ADAM12: variants seen among roughly 807,000 people sequenced by gnomAD.
ADAM12 encodes ADAM metallopeptidase domain 12.
In ADAM12, 70 loss-of-function variants were observed where a neutral mutation model predicts 106.4. The ratio of observed to expected loss-of-function variants is 0.66; its 90% confidence interval spans 0.54 to 0.80. The LOEUF is 0.80. ADAM12 is among the 30% of genes least tolerant of loss of function. ADAM12 has a pLI of 0.00. For missense variants in ADAM12, 1,010 were observed against 1,171.9 expected, an observed-to-expected ratio of 0.86 and a Z score of 2.02; for synonymous variants, 420 against 433.5, an observed-to-expected ratio of 0.97 and a Z score of 0.39.
At chr10:126,233,186 A>G (rs2133628824) in intron 3 of ADAM12, among the ~76,000 whole-genome samples, 1 of 152,262 alleles carries the variant, frequency 6.6e-6, no homozygotes, top group Admixed American at 6.5e-5. Context: ...GGAGAAGAAC[A>G]GCCAAGGGCA....
intron 21 of ADAM12, 25 bp downstream of exon 21, chr10:126,036,121 T>TATCA (rs751421187): frequency 1.5e-5 from 20 of 1,375,100 alleles, no homozygotes; most frequent in South Asian, 8.3e-5. Context: ...AACTACATCC[T>TATCA]ATCATATTAG....
chr10:126,100,715 AAAAC>A (rs1174861014), intron 9 of ADAM12, among the ~76,000 whole-genome samples: 2 of 152,146 alleles, frequency 1.3e-5, no homozygotes, highest in Non-Finnish European at 1.5e-5. Context: ...CTCTGTCTCA[AAAAC>A]AAACAAACAA....
rs1959097456 is a variant in ADAM12, at chr10:126,266,378, G to C, written c.260+12537C>G. Among the ~76,000 whole-genome samples the C allele has an allele frequency of 2.6e-5, 4 of 152,320 alleles. No individual in the cohort carries two copies. The South Asian group carries it at 8.3e-4, about 32-fold the overall frequency. On this transcript the variant is annotated intron_variant, in intron 3 of 22. Coordinates refer to ENST00000448723, the MANE Select transcript of ADAM12 (RefSeq NM_001288973.2). ...CATCAAAATGAAGGAGGAAGAGAAAGATGGGTGAGGAAAGCAGGAATAGGG... is the reference window on the plus strand; with the variant it reads ...CATCAAAATGAAGGAGGAAGAGAAACATGGGTGAGGAAAGCAGGAATAGGG...
intron 3 of ADAM12, among the ~76,000 whole-genome samples, chr10:126,203,880 C>T (rs1375145150): frequency 6.6e-6 from 1 of 152,192 alleles, no homozygotes; most frequent in Non-Finnish European, 1.5e-5. Context: ...GGACTTCACT[C>T]TCTGTGGTAG....
chr10:126,015,722 C>T lies in ADAM12; in HGVS notation c.*1557G>A, dbSNP rs1953650095. The T allele has an allele frequency of 6.6e-6, 1 of 152,184 alleles. No homozygotes were observed. Among genetic ancestry groups the T allele is most frequent in the African/African-American group, 2.4e-5 (1 of 41,460 alleles). The allele number at this position is 152,184 out of a possible 1,614,324, so 9.4% of individuals were successfully genotyped here. On this transcript the variant is annotated 3_prime_UTR_variant, in exon 23 of 23. Coordinates refer to ENST00000448723, the MANE Select transcript of ADAM12 (RefSeq NM_001288973.2). ...TTTTCTGTTTCAAAGCATAGGAAAACTGTTGACCCCCAAAAGAAGGCTTTC... is the reference window on the plus strand; with the variant it reads ...TTTTCTGTTTCAAAGCATAGGAAAATTGTTGACCCCCAAAAGAAGGCTTTC...
intron 8 of ADAM12, among the ~76,000 whole-genome samples, chr10:126,105,505 C>G (rs976630903): frequency 2.6e-5 from 4 of 152,226 alleles, no homozygotes; most frequent in African/African-American, 9.6e-5. Flanking sequence ...GGCACCTAAG[C>G]CTTCCGCCCT....
At chr10:126,235,603 G>T (rs970488863) in intron 3 of ADAM12, among the ~76,000 whole-genome samples, 3 of 152,126 alleles carry the variant, frequency 2.0e-5, no homozygotes, top group Non-Finnish European at 4.4e-5. Flanking sequence ...GGCAGCAGCG[G>T]CACACCGTCC....
intron 1 of ADAM12, among the ~76,000 whole-genome samples, chr10:126,357,836 T>C (rs547097653): frequency 3.3e-5 from 5 of 152,310 alleles, no homozygotes; most frequent in African/African-American, 9.6e-5. Context: ...ATGGAGATTA[T>C]GGGAACTACA....
chr10:126,259,846 A>G (rs1365644346), intron 3 of ADAM12, among the ~76,000 whole-genome samples: 1 of 152,264 alleles, frequency 6.6e-6, no homozygotes. Flanking sequence ...CTTTAAAGAA[A>G]ACTGAGGGAA....
At chr10:126,289,831 C>T (rs1960066078) in intron 2 of ADAM12, among the ~76,000 whole-genome samples, 1 of 152,156 alleles carries the variant, frequency 6.6e-6, no homozygotes, top group African/African-American at 2.4e-5. Flanking sequence ...CTCTGCTGGA[C>T]CTCAGTTTTC....
At chr10:126,178,532 G>C (rs1957260923) in intron 3 of ADAM12, among the ~76,000 whole-genome samples, 1 of 148,654 alleles carries the variant, frequency 6.7e-6, no homozygotes, top group Non-Finnish European at 1.5e-5. Context: ...TTCTTTGTAT[G>C]CTTGTAAAAA....
At position 126,225,797 on chromosome 10, in the gene ADAM12, T is replaced by C. The variant is rs140747719; in HGVS notation, c.260+53118A>G. 5.3e-5 allele frequency among the ~76,000 whole-genome samples: 8 copies of C among 152,298 alleles called. No homozygotes were observed. In the East Asian group the frequency reaches 9.7e-4, roughly 18 times the overall value. On this transcript the variant is annotated intron_variant, in intron 3 of 22. Transcript: ENST00000448723. Reference sequence around the variant, plus strand: ...TGTGGCTGGGAACGTTGCTCCTCTCTGACCTTCCTGGAACTGCAACTGGGA... The same window carrying C: ...TGTGGCTGGGAACGTTGCTCCTCTCCGACCTTCCTGGAACTGCAACTGGGA...
At chr10:126,291,361 G>A (rs768689125) in intron 2 of ADAM12, among the ~76,000 whole-genome samples, 1 of 152,110 alleles carries the variant, frequency 6.6e-6, no homozygotes, top group Non-Finnish European at 1.5e-5. Flanking sequence ...TCCTGCTATC[G>A]ATCACAGAGG....
chr10:126,274,480 G>C (rs1959202756), intron 3 of ADAM12, among the ~76,000 whole-genome samples: 1 of 152,028 alleles, frequency 6.6e-6, no homozygotes, highest in Non-Finnish European at 1.5e-5. Flanking sequence ...TTATTTTTTT[G>C]TTAACCCAAG....
intron 3 of ADAM12, among the ~76,000 whole-genome samples, chr10:126,173,285 GA>G (rs776779626): frequency 1.3e-5 from 2 of 152,288 alleles, no homozygotes; most frequent in Non-Finnish European, 2.9e-5. Context: ...GAAGTGTTAA[GA>G]GGAGCAATGG....
At chr10:126,322,467 G>C (rs919457362) in intron 2 of ADAM12, among the ~76,000 whole-genome samples, 2 of 152,250 alleles carry the variant, frequency 1.3e-5, no homozygotes, top group South Asian at 2.1e-4. Flanking sequence ...TCTGTGACTA[G>C]AAGAGGGTGG....
intron 7 of ADAM12, among the ~76,000 whole-genome samples, chr10:126,109,003 C>T (rs10159617): frequency 0.016 from 2,474 of 152,298 alleles, 72 homozygotes; most frequent in African/African-American, 0.057. Context: ...TTGATTTTAA[C>T]TTCCTGAGAA....
intron 1 of ADAM12, among the ~76,000 whole-genome samples, chr10:126,345,601 C>T (rs1467705537): frequency 6.6e-6 from 1 of 152,162 alleles, no homozygotes; most frequent in Admixed American, 6.5e-5. Flanking sequence ...AGGAATGGTA[C>T]CAGCTCCTCC....
Position 126,046,040 on chromosome 10 carries a change from G to C in ADAM12, c.1995+15C>G. 3 of 1,611,468 alleles carry C rather than the reference G, an allele frequency of 1.9e-6. No individual in the cohort carries two copies. Among genetic ancestry groups the C allele is most frequent in the Non-Finnish European group, 2.5e-6 (3 of 1,177,588 alleles). ...GTTATGGGCTGGCTGTAAAAGGGCA[G>C]CTCAGCCTACTCACCCCTCTGCCGT... On this transcript the variant is annotated intron_variant, in intron 17 of 22. Transcript: ENST00000448723.
Sources: allele counts gnomAD v4.1 joint callset (sites outside exome capture counted in the v4.1 genomes callset), GRCh38; gene constraint gnomAD v4.1.1; transcripts MANE v1.5; gene names NCBI Gene and HGNC (gene_info 2026-07-23, HGNC 2026-07-21).